Variants in PCDH11X observed in about 807,000 individuals in gnomAD.
The protein encoded by PCDH11X is protocadherin-11 X-linked.
In PCDH11X, 18 loss-of-function variants were observed where a neutral mutation model predicts 53.3. The observed-to-expected ratio is 0.34, with a 90% CI of 0.23 to 0.50. The LOEUF (loss-of-function observed/expected upper bound fraction) is 0.50, where lower values mean the gene tolerates loss of function less well. Ranked by LOEUF, PCDH11X falls within the 20% of genes least tolerant of loss-of-function variation. PCDH11X has a pLI of 0.98. For synonymous variants in PCDH11X, 279 were observed against 393.3 expected, an observed-to-expected ratio of 0.71 and a Z score of 3.44; for missense variants, 570 against 1,032.4, an observed-to-expected ratio of 0.55 and a Z score of 6.14.
At chrX:92,245,919 C>T (rs368548373) in intron 7 of PCDH11X, among the ~76,000 whole-genome samples, 66 of 111,768 alleles carry the variant, frequency 5.9e-4, no homozygotes, top group East Asian at 4.2e-3. Flanking sequence ...ACTGATTAAA[C>T]GATCCATGTT....
chrX:92,442,037 G>A (rs1193527664), intron 9 of PCDH11X, among the ~76,000 whole-genome samples: 1 of 111,228 alleles, frequency 9.0e-6, no homozygotes, highest in East Asian at 2.9e-4. Flanking sequence ...AGATTTGACT[G>A]CCCTGCTGGA....
intron 7 of PCDH11X, among the ~76,000 whole-genome samples, chrX:92,256,050 G>C (rs1172011139): frequency 1.5e-3 from 165 of 112,413 alleles, no homozygotes; most frequent in South Asian, 3.7e-3. Context: ...CCGCCTTGCA[G>C]TTTGATCTCA....
chrX:92,612,576 A>G (rs3865940), intron 10 of PCDH11X, among the ~76,000 whole-genome samples: 24,243 of 105,990 alleles, frequency 0.23, 2,355 homozygotes, highest in African/African-American at 0.3. Flanking sequence ...ACTATGCTTT[A>G]TATATTCTGT....
chrX:92,001,250 G>T (rs2062503967), intron 6 of PCDH11X, among the ~76,000 whole-genome samples: 1 of 111,088 alleles, frequency 9.0e-6, no homozygotes, highest in African/African-American at 3.3e-5. Context: ...GTTATTGCTT[G>T]TATTTTGGAT....
chrX:92,599,776 G>A (rs1343908223), intron 10 of PCDH11X, among the ~76,000 whole-genome samples: 2 of 111,629 alleles, frequency 1.8e-5, no homozygotes, highest in Admixed American at 9.5e-5. Context: ...TCAGAAGACA[G>A]GAAGATGTGG....
chrX:92,274,353 A>C (rs1006074885), intron 8 of PCDH11X, among the ~76,000 whole-genome samples: 3 of 109,402 alleles, frequency 2.7e-5, no homozygotes, highest in Non-Finnish European at 5.7e-5. Context: ...CTGAATACTA[A>C]GAGCCTGAAA....
intron 10 of PCDH11X, among the ~76,000 whole-genome samples, chrX:92,602,846 A>G (rs1230667326): frequency 1.2e-5 from 1 of 85,066 alleles, no homozygotes; most frequent in Non-Finnish European, 2.1e-5. Flanking sequence ...TGATAAAATT[A>G]TGAGGTATTC....
intron 10 of PCDH11X, among the ~76,000 whole-genome samples, chrX:92,543,109 A>G (rs62598732): frequency 0.21 from 22,189 of 104,867 alleles, 2,465 homozygotes; most frequent in Non-Finnish European, 0.32. Context: ...TATGATTTCT[A>G]CAAGTATTTA....
At chrX:92,350,389 C>T (rs747855703) in intron 8 of PCDH11X, among the ~76,000 whole-genome samples, 168 of 111,041 alleles carry the variant, frequency 1.5e-3, no homozygotes, top group Non-Finnish European at 2.6e-3. Context: ...GGCTCAAAGT[C>T]GCTGTTCAGA....
At chrX:91,969,425 A>G (rs1362272862) in intron 6 of PCDH11X, among the ~76,000 whole-genome samples, 2 of 108,509 alleles carry the variant, frequency 1.8e-5, no homozygotes, top group Non-Finnish European at 3.8e-5. Flanking sequence ...TGATTGTTTA[A>G]AAAAGTAGCA....
At chrX:92,607,031 T>C (rs1397338489) in intron 10 of PCDH11X, among the ~76,000 whole-genome samples, 1 of 111,504 alleles carries the variant, frequency 9.0e-6, no homozygotes, top group Non-Finnish European at 1.9e-5. Flanking sequence ...CGAATGTTGG[T>C]AAGTGCGTAA....
chrX:92,525,908 T>G (rs1436183924), intron 10 of PCDH11X, among the ~76,000 whole-genome samples: 1 of 111,120 alleles, frequency 9.0e-6, no homozygotes, highest in East Asian at 2.8e-4. Context: ...TTTAGAAGAT[T>G]AAACACGGAG....
At chrX:91,876,472 A>C (rs1268811300) in intron 5 of PCDH11X, among the ~76,000 whole-genome samples, 1 of 111,500 alleles carries the variant, frequency 9.0e-6, no homozygotes, top group Non-Finnish European at 1.9e-5. Context: ...ATAAAATGCT[A>C]CAATCTGAAG....
chrX:91,807,926 C>A (rs1332897758), intron 1 of PCDH11X, among the ~76,000 whole-genome samples: 1 of 105,983 alleles, frequency 9.4e-6, no homozygotes, highest in Non-Finnish European at 1.9e-5. Context: ...AACTTTAACC[C>A]ATTATTGGAC....
At chrX:91,924,272 T>G (rs1941854245) in intron 6 of PCDH11X, among the ~76,000 whole-genome samples, 1 of 110,373 alleles carries the variant, frequency 9.1e-6, no homozygotes, top group Non-Finnish European at 1.9e-5. Flanking sequence ...GAGATCATAG[T>G]GATGGGACGT....
intron 8 of PCDH11X, among the ~76,000 whole-genome samples, chrX:92,377,860 A>G (rs1331818095): frequency 2.0e-5 from 2 of 100,488 alleles, no homozygotes; most frequent in Non-Finnish European, 4.1e-5. Flanking sequence ...TAGTTAATGG[A>G]TGTAGTGGCT....
At chrX:91,970,726 C>T (rs1310191716) in intron 6 of PCDH11X, among the ~76,000 whole-genome samples, 1 of 111,779 alleles carries the variant, frequency 8.9e-6, no homozygotes, top group Non-Finnish European at 1.9e-5. Flanking sequence ...GATGATTATT[C>T]TGCCTTTCGA....
intron 6 of PCDH11X, among the ~76,000 whole-genome samples, chrX:92,147,851 C>CTTTCTT (rs1410054680): frequency 2.1e-5 from 2 of 95,264 alleles, no homozygotes; most frequent in Admixed American, 1.2e-4. Flanking sequence ...TTCTTTCTTT[C>CTTTCTT]TTTTTTCTTT....
At chrX:92,534,777 C>A (rs1241085721) in intron 10 of PCDH11X, among the ~76,000 whole-genome samples, 1 of 111,746 alleles carries the variant, frequency 8.9e-6, no homozygotes, top group Non-Finnish European at 1.9e-5. Context: ...GAATTTTCAA[C>A]CCAGAATTTC....
Sources: allele counts gnomAD v4.1 joint callset (sites outside exome capture counted in the v4.1 genomes callset), GRCh38; gene constraint gnomAD v4.1.1; transcripts MANE v1.5; gene names NCBI Gene and HGNC (gene_info 2026-07-23, HGNC 2026-07-21).